ADGRA1: variants seen among roughly 807,000 people sequenced by gnomAD.
ADGRA1 encodes G-protein coupled receptor 123.
ADGRA1 carries 12 observed loss-of-function variants against 21.3 expected under a neutral mutation model. The ratio of observed to expected loss-of-function variants is 0.56; its 90% confidence interval spans 0.36 to 0.91. The LOEUF is 0.91. Ranked by LOEUF, ADGRA1 falls within the 40% of genes least tolerant of loss-of-function variation. The pLI is 0.01. For synonymous variants in ADGRA1, 385 were observed against 368.8 expected, an observed-to-expected ratio of 1.04 and a Z score of -0.50; for missense variants, 790 against 805.6, an observed-to-expected ratio of 0.98 and a Z score of 0.23.
chr10:133,091,020 C>T (rs543033931), intron 2 of ADGRA1, among the ~76,000 whole-genome samples: 2 of 152,368 alleles, frequency 1.3e-5, no homozygotes, highest in East Asian at 3.9e-4. Context: ...GCTGTGTCTC[C>T]GTCACCACTG....
rs1851530326 is a variant in ADGRA1 at position 133,088,002 on chromosome 10, G to T, written c.-339G>T. On this transcript the variant is annotated 5_prime_UTR_variant, in exon 1 of 7. Coordinates refer to ENST00000392607, the MANE Select transcript of ADGRA1 (RefSeq NM_001083909.3). ...ACTCACCGGCCGGCGCCGCAGCCCC[G>T]CAATCTGTTGATAACTCGGTCCCAG... 1 of 984,762 alleles carries T rather than the reference G, an allele frequency of 1.0e-6. No individual in the cohort carries two copies. Among genetic ancestry groups the T allele is most frequent in the African/African-American group, 1.7e-5 (1 of 57,156 alleles). 61.0% of individuals were successfully genotyped at this position (984,762 alleles called of 1,614,324 possible).
At chr10:133,093,644 G>T (rs910966034) in intron 2 of ADGRA1, among the ~76,000 whole-genome samples, 6 of 152,224 alleles carry the variant, frequency 3.9e-5, no homozygotes, top group Non-Finnish European at 7.3e-5. Context: ...GGCCAAGAAG[G>T]TCGGGGCCAC....
chr10:133,111,851 G>A (rs74215257), intron 5 of ADGRA1, among the ~76,000 whole-genome samples: 482 of 111,254 alleles, frequency 4.3e-3, no homozygotes, highest in East Asian at 0.019. Flanking sequence ...CCCACCACGG[G>A]CACCTCCCTC....
chr10:133,094,749 C>G lies in ADGRA1; in HGVS notation c.4-2225C>G, dbSNP rs1393723209. Reference sequence around the variant, plus strand: ...AGAGCGTTCAGGTTTATTTTAGACCCTGGGTCAATGTCTTGGAGGAAAAGC... The same window carrying G: ...AGAGCGTTCAGGTTTATTTTAGACCGTGGGTCAATGTCTTGGAGGAAAAGC... On this transcript the variant is annotated intron_variant, in intron 2 of 6. Transcript: ENST00000392607. 2.0e-5 allele frequency among the ~76,000 whole-genome samples: 3 copies of G among 151,748 alleles called. No individual in the cohort carries two copies. The East Asian group carries it at 5.8e-4, about 29-fold the overall frequency.
intron 2 of ADGRA1, chr10:133,095,829 C>T (rs745556647): frequency 3.8e-6 from 6 of 1,572,542 alleles, no homozygotes; most frequent in African/African-American, 1.3e-5. Context: ...GGGTCCCTCT[C>T]CACTTCCCGC....
At position 133,130,129 on chromosome 10, in the gene ADGRA1, C is replaced by G. The variant is rs1041376543; in HGVS notation, c.*618C>G. ...AGCCACCCCTGCAGCTTCACAGGGC[C>G]CCTGCACACCTCTGCCCACTCAGTG... On this transcript the variant is annotated 3_prime_UTR_variant, in exon 7 of 7. Transcript: ENST00000392607. The G allele has an allele frequency of 1.3e-5, 2 of 153,292 alleles. No homozygotes were observed. Among genetic ancestry groups the G allele is most frequent in the Non-Finnish European group, 2.9e-5 (2 of 68,810 alleles). 9.5% of individuals were successfully genotyped at this position (153,292 alleles called of 1,614,324 possible).
rs755769662 is a variant in ADGRA1 at position 133,129,007 on chromosome 10, G to A, written c.1179G>A (p.Thr393=). ...CCAAGATGCACTGCGAGCCACTGAC[G>A]GCGGACGAGGCGCACGTGCACCTGC... ...CCAKMHCEPL[T]ADEAHVHLQE... The change falls in exon 7 of 7, where the codon ACG becomes ACA. Residue 393 remains threonine (T), a synonymous_variant. Transcript: ENST00000392607. 17 of 1,567,528 alleles carry A rather than the reference G, an allele frequency of 1.1e-5. No individual in the cohort carries two copies. The highest frequency in any genetic ancestry group is 3.4e-4 in the Middle Eastern group (2 of 5,928).
chr10:133,121,927 G>A (rs1044978770), intron 5 of ADGRA1, among the ~76,000 whole-genome samples: 22 of 151,200 alleles, frequency 1.5e-4, no homozygotes, highest in African/African-American at 4.6e-4. Flanking sequence ...CATGTCCAGT[G>A]TGCCAGTGTG....
At chr10:133,107,938 A>C (rs1003579725) in intron 5 of ADGRA1, among the ~76,000 whole-genome samples, 2 of 152,242 alleles carry the variant, frequency 1.3e-5, no homozygotes, top group African/African-American at 4.8e-5. Flanking sequence ...TACAATGATG[A>C]AAAACATTTT....
At position 133,088,892 on chromosome 10, in the gene ADGRA1, C is replaced by T. The variant is rs10776692; in HGVS notation, c.-18C>T. ...CCTCCTCCAGCGGCGCTCACGCTTC[C>T]GCAACTTTGCAGCGCTCATGGTGAG... On this transcript the variant is annotated 5_prime_UTR_variant, in exon 2 of 7. Transcript: ENST00000392607. 1 of 1,240,284 alleles carries T rather than the reference C, an allele frequency of 8.1e-7. No homozygotes were observed. The highest frequency in any genetic ancestry group is 1.0e-6 in the Non-Finnish European group (1 of 989,436). The allele number at this position is 1,240,284 out of a possible 1,614,324, so 76.8% of individuals were successfully genotyped here. A position where few individuals can be genotyped will look rare whatever the true frequency, so the allele number is the denominator to read the frequency against.
At chr10:133,095,584 T>A in intron 2 of ADGRA1, 1 of 1,514,634 alleles carries the variant, frequency 6.6e-7, no homozygotes, top group Non-Finnish European at 8.8e-7. Context: ...TGGCCAGTGC[T>A]GTTCGAACCC....
chr10:133,115,173 C>T (rs547323325), intron 5 of ADGRA1, among the ~76,000 whole-genome samples: 2 of 152,210 alleles, frequency 1.3e-5, no homozygotes, highest in South Asian at 4.2e-4. Context: ...TGAGGTGCAC[C>T]TGGGCCTCAC....
chr10:133,102,256 GC>G (rs1564845665), intron 4 of ADGRA1: 2 of 478,826 alleles, frequency 4.2e-6, no homozygotes, highest in Non-Finnish European at 8.4e-6. Context: ...CCCGTGGGGG[GC>G]TCATCCTACC....
intron 2 of ADGRA1, chr10:133,089,180 G>A (rs2135860031): frequency 1.9e-6 from 1 of 533,716 alleles, no homozygotes. Flanking sequence ...TTAATCAATG[G>A]AGGCGACGTC....
At chr10:133,123,691 A>G (rs1852319061) in intron 5 of ADGRA1, among the ~76,000 whole-genome samples, 1 of 143,064 alleles carries the variant, frequency 7.0e-6, no homozygotes, top group Non-Finnish European at 1.5e-5. Context: ...GCCGACGTCG[A>G]GTTGTGGGGA....
chr10:133,092,860 G>GGAAGGAAA, intron 2 of ADGRA1: 1 of 1,354,008 alleles, frequency 7.4e-7, no homozygotes, highest in South Asian at 1.3e-5. Flanking sequence ...AAGGAAGGAA[G>GGAAGGAAA]GAAGGAAGGA....
intron 5 of ADGRA1, among the ~76,000 whole-genome samples, chr10:133,123,242 G>C (rs888327167): frequency 6.6e-6 from 1 of 152,192 alleles, no homozygotes; most frequent in Non-Finnish European, 1.5e-5. Flanking sequence ...TGGCTGCGCC[G>C]TCCTCTCTTG....
chr10:133,098,302 G>A (rs926584703), intron 3 of ADGRA1, among the ~76,000 whole-genome samples: 2 of 152,126 alleles, frequency 1.3e-5, no homozygotes, highest in African/African-American at 4.8e-5. Context: ...CCCAGGGGGT[G>A]CGGCCTCTAT....
At chr10:133,111,218 C>A (rs1316930570) in intron 5 of ADGRA1, among the ~76,000 whole-genome samples, 20 of 51,868 alleles carry the variant, frequency 3.9e-4, no homozygotes, top group Non-Finnish European at 7.1e-4. Context: ...CTGCCCACCA[C>A]AGGCACCTCC....
Sources: allele counts gnomAD v4.1 joint callset (sites outside exome capture counted in the v4.1 genomes callset), GRCh38; gene constraint gnomAD v4.1.1; transcripts MANE v1.5; gene names NCBI Gene and HGNC (gene_info 2026-07-23, HGNC 2026-07-21).